Variants in APOB observed in about 807,000 individuals in gnomAD.
The protein encoded by APOB is apolipoprotein B-100.
A neutral mutation model predicts 314.1 loss-of-function variants in APOB; 153 were observed. The observed-to-expected ratio is 0.49, with a 90% CI of 0.43 to 0.56. The LOEUF (loss-of-function observed/expected upper bound fraction) is 0.56. APOB is among the 20% of genes least tolerant of loss of function. APOB has a pLI of 0.00. For missense variants in APOB, 5,430 were observed against 5,350.7 expected (o/e 1.01, Z -0.46); for synonymous variants, 2,087 against 2,036.4 (o/e 1.02, Z -0.67).
Position 21,006,844 on chromosome 2 carries a change from A to T in APOB, c.10024T>A (p.Ser3342Thr), listed in dbSNP as rs1175071342. The T allele has an allele frequency of 4.3e-6, 7 of 1,614,026 alleles. No homozygotes were observed. The East Asian group carries it at 1.6e-4, about 36-fold the overall frequency. ...AGTGTGATGACACTTGATTTAAAGGAGAAATCATAGGTAATATTGCCCATG... is the reference window on the plus strand; with the variant it reads ...AGTGTGATGACACTTGATTTAAAGGTGAAATCATAGGTAATATTGCCCATG... ...PAMGNITYDF[S>T]FKSSVITLNT... Residue 3342 changes from serine to threonine, a missense_variant, in exon 26 of 29, where the codon TCC becomes ACC. By Grantham distance (58) the Ser-to-Thr change is moderately conservative (BLOSUM62 1). Coordinates refer to ENST00000233242, the MANE Select transcript of APOB (RefSeq NM_000384.3).
In APOB at chr2:21,006,165, T is replaced by C; in HGVS notation, c.10703A>G (p.Lys3568Arg). Residue 3568 changes from lysine to arginine, a missense_variant, in exon 26 of 29, where the codon AAA becomes AGA. By Grantham distance (26) the Lys-to-Arg change is conservative (BLOSUM62 2). This residue lies in a region of APOB where 3,281 missense variants were observed against 3,171.0 expected (regional missense o/e 1.03). Coordinates refer to ENST00000233242, the MANE Select transcript of APOB (RefSeq NM_000384.3). ...RIYSLWEHST[K>R]NHLQLEGLFF... The stretch of plus-strand genomic sequence containing the variant: ...GAGGCCCTCTAGCTGTAAGTGGTTT[T>C]TCGTACTGTGCTCCCAGAGGGAATA... The C allele has an allele frequency of 6.2e-7, 1 of 1,614,054 alleles. No individual in the cohort carries two copies. Among genetic ancestry groups the C allele is most frequent in the Non-Finnish European group, 8.5e-7 (1 of 1,179,954 alleles).
chr2:21,013,503 C>G lies in APOB; in HGVS notation c.3873G>C (p.Lys1291Asn). ...AAGGAATCTCAATTTTCAAACTGTT[C>G]TTGTTCAAGGTATATTTGACCCGGC... ...SDGRVKYTLN[K>N]NSLKIEIPLP... Residue 1291 changes from lysine to asparagine, a missense_variant, in exon 25 of 29, where the codon AAG (lysine) becomes AAC (asparagine). This residue lies in a region of APOB where 2,085 missense variants were observed against 2,079.7 expected (regional missense o/e 1.00). Coordinates refer to ENST00000233242, the MANE Select transcript of APOB (RefSeq NM_000384.3). 1 of 1,614,180 alleles carries G rather than the reference C, an allele frequency of 6.2e-7. No individual in the cohort carries two copies.
In APOB at chr2:21,041,086, G is replaced by A. The variant is rs1664122032; in HGVS notation, c.238-3C>T. ...AGCTGGGGAACCTCCAGCTCAACCT[G>A]AGAATTCAGGGTAGCAGAGCATTGA... On this transcript the variant is annotated splice_polypyrimidine_tract_variant and splice_region_variant and intron_variant, in intron 3 of 28. Coordinates refer to ENST00000233242, the MANE Select transcript of APOB (RefSeq NM_000384.3). 6.2e-7 allele frequency: 1 copy of A among 1,611,050 alleles called. No homozygotes were observed. The highest frequency in any genetic ancestry group is 8.5e-7 in the Non-Finnish European group (1 of 1,179,354).
rs1205138063 is a variant in APOB, at chr2:21,028,332, G to A, written c.1824C>T (p.Ile608=). 12 of 1,612,572 alleles carry A rather than the reference G, an allele frequency of 7.4e-6. No homozygotes were observed. The highest frequency in any genetic ancestry group is 1.0e-5 in the Non-Finnish European group (12 of 1,178,554). Reference sequence around the variant, plus strand: ...GGTGAATAGCTCTTACTTACTCTTGGATATCCAATTCTTCTGAGTTCAAGA... The same window carrying A: ...GGTGAATAGCTCTTACTTACTCTTGAATATCCAATTCTTCTGAGTTCAAGA... The part of the protein sequence containing the change: ...ANILNSEELD[I]QDLKKLVKEA... Residue 608 remains isoleucine (I), a synonymous_variant, in exon 13 of 29, where the codon ATC becomes ATT. Transcript: ENST00000233242.
intron 10 of APOB, among the ~76,000 whole-genome samples, chr2:21,031,270 A>C (rs1218464967): frequency 6.6e-6 from 1 of 152,270 alleles, no homozygotes; most frequent in African/African-American, 2.4e-5. Flanking sequence ...CTATTCGGCC[A>C]TAAAAAGAAT....
At chr2:21,016,370 G>A (rs2103363772) in intron 21 of APOB, 69 bp downstream of exon 21, 2 of 832,436 alleles carry the variant, frequency 2.4e-6, no homozygotes, top group Non-Finnish European at 4.2e-6. Context: ...GGTATGAAGT[G>A]GAAGAGGAAT....
chr2:21,026,583 T>A (rs1292207690), intron 15 of APOB, among the ~76,000 whole-genome samples: 1 of 152,132 alleles, frequency 6.6e-6, no homozygotes, highest in Non-Finnish European at 1.5e-5. Flanking sequence ...GAGTACTTAT[T>A]GTGAGTCTGG....
chr2:21,016,581 C>T lies in APOB; in HGVS notation c.3190G>A (p.Val1064Ile). ...TCAACATCAAAATCCGGAATTTGGA[C>T]TTCACTGGACAAGGTCATACTCTGC... ...NRQSMTLSSEVQIPDFDVDLG... is the reference protein window; with the variant it reads ...NRQSMTLSSEIQIPDFDVDLG... Residue 1064 changes from valine (V) to isoleucine (I), a missense_variant, in exon 21 of 29, where the codon GTC (valine) becomes ATC (isoleucine). This residue lies in a region of APOB where 2,085 missense variants were observed against 2,079.7 expected (regional missense o/e 1.00). Coordinates refer to ENST00000233242, the MANE Select transcript of APOB (RefSeq NM_000384.3). The T allele has an allele frequency of 1.2e-6, 2 of 1,612,440 alleles. No homozygotes were observed. The highest frequency in any genetic ancestry group is 1.7e-4 in the Middle Eastern group (1 of 6,060).
Position 21,014,549 on chromosome 2 carries a change from A to G in APOB, c.3741T>C (p.Tyr1247=), listed in dbSNP as rs1572787204. The change falls in exon 24 of 29, where the codon TAT becomes TAC. Residue 1247 remains tyrosine, a synonymous_variant. Coordinates refer to ENST00000233242, the MANE Select transcript of APOB (RefSeq NM_000384.3). ...TGAGGTGGTCTTGCAAAGTCTGGGT[A>G]TAAGGAAGACTCCCAGATGCCTTCT... is the stretch of plus-strand genomic sequence containing the variant. ...WLQKASGSLP[Y]TQTLQDHLNS... The G allele has an allele frequency of 1.9e-6, 3 of 1,614,058 alleles. No individual in the cohort carries two copies. The highest frequency in any genetic ancestry group is 2.2e-5 in the East Asian group (1 of 44,868).
Position 21,007,105 on chromosome 2 carries a change from C to G in APOB, c.9763G>C (p.Val3255Leu). The G allele has an allele frequency of 6.2e-7, 1 of 1,614,048 alleles. No homozygotes were observed. The highest frequency in any genetic ancestry group is 1.1e-5 in the South Asian group (1 of 91,080). Residue 3255 changes from valine (V) to leucine (L), a missense_variant, in exon 26 of 29, where the codon GTT becomes CTT. Val to Leu is a conservative substitution (Grantham distance 32). Transcript: ENST00000233242. ...AATGGAGACACTTCAACATTGACAA[C>G]TGGAACAGTGTATCCAGGAATTTGA... ...TFQIPGYTVPVVNVEVSPFTI... is the reference protein window; with the variant it reads ...TFQIPGYTVPLVNVEVSPFTI...
Position 21,011,516 on chromosome 2 carries a change from A to G in APOB, c.5352T>C (p.Val1784=). 4 of 1,614,194 alleles carry G rather than the reference A, an allele frequency of 2.5e-6. No homozygotes were observed. The highest frequency in any genetic ancestry group is 3.4e-6 in the Non-Finnish European group (4 of 1,180,012). ...YSSDKFYKQT[V]NLQLQPYSLV... is the part of the protein sequence containing the mutation. Reference sequence around the variant, plus strand: ...GAGAATAGGGCTGTAGCTGTAAATTAACAGTTTGCTTATAAAACTTGTCAG... The same window carrying G: ...GAGAATAGGGCTGTAGCTGTAAATTGACAGTTTGCTTATAAAACTTGTCAG... Residue 1784 remains valine, a synonymous_variant, in exon 26 of 29, where the codon GTT becomes GTC. Coordinates refer to ENST00000233242, the MANE Select transcript of APOB (RefSeq NM_000384.3).
Position 21,016,331 on chromosome 2 carries a change from G to A in APOB, c.3332+108C>T. 7 of 691,934 alleles carry A rather than the reference G, an allele frequency of 1.0e-5. No homozygotes were observed. The South Asian group carries it at 1.1e-4, about 11-fold the overall frequency. The allele number at this position is 691,934 out of a possible 1,614,324, so 42.9% of individuals were successfully genotyped here. On this transcript the variant is annotated intron_variant, in intron 21 of 28. Transcript: ENST00000233242. ...GAGGGCTCTCTCTGCCACTCTGATT[G>A]TAGACTAGGGGAGAACATGGCTTGG...
chr2:21,011,680 T>G lies in APOB; in HGVS notation c.5188A>C (p.Lys1730Gln), dbSNP rs1251305507. 1.9e-6 allele frequency: 3 copies of G among 1,614,062 alleles called. No individual in the cohort carries two copies. In the African/African-American group the frequency reaches 4.0e-5, roughly 22 times the overall value. The change falls in exon 26 of 29, where the codon AAG becomes CAG. Residue 1730 changes from lysine to glutamine, a missense_variant. Physicochemically the swap from Lys to Gln is moderately conservative, Grantham distance 53 (BLOSUM62 1). Transcript: ENST00000233242. ...GVDSKNIFNF[K>Q]VSQEGLKLSN... is the part of the protein sequence containing the mutation. ...AGCTTAAGTCCTTCTTGACTGACCT[T>G]GAAGTTGAAAATGTTTTTGCTGTCG...
In APOB at chr2:21,022,904, C is replaced by T. The variant is rs375143090; in HGVS notation, c.2743G>A (p.Val915Ile). 2 of 1,614,162 alleles carry T rather than the reference C, an allele frequency of 1.2e-6. No individual in the cohort carries two copies. Among genetic ancestry groups the T allele is most frequent in the African/African-American group, 2.7e-5 (2 of 75,036 alleles). ...TTCAGCTTCCCAGCTTTTAGGGCAA[C>T]ATGAGCCTCCAGACCCGACTCGTGG... ...FFHESGLEAH[V>I]ALKAGKLKFI... is the part of the protein sequence containing the mutation. The change falls in exon 18 of 29, where the codon GTT (valine) becomes ATT (isoleucine). Residue 915 changes from valine (V) to isoleucine (I), a missense_variant. This residue lies in a region of APOB where 2,085 missense variants were observed against 2,079.7 expected (regional missense o/e 1.00). Transcript: ENST00000233242.
chr2:21,005,580 A>G lies in APOB; in HGVS notation c.11288T>C (p.Leu3763Pro), dbSNP rs1663106152. 1 of 1,613,972 alleles carries G rather than the reference A, an allele frequency of 6.2e-7. No individual in the cohort carries two copies. The highest frequency in any genetic ancestry group is 8.5e-7 in the Non-Finnish European group (1 of 1,179,990). Residue 3763 changes from leucine (L) to proline (P), a missense_variant, in exon 26 of 29, where the codon CTT (leucine) becomes CCT (proline). Leu to Pro is a moderately conservative substitution (Grantham distance 98, BLOSUM62 -3). Coordinates refer to ENST00000233242, the MANE Select transcript of APOB (RefSeq NM_000384.3). ...FTDLQVPSCK[L>P]DFREIQIYKK... ...ATAGATTTGTATTTCTCTGAAGTCA[A>G]GTTTGCACGATGGAACCTGAAGATC...
intron 10 of APOB, among the ~76,000 whole-genome samples, chr2:21,031,061 A>G (rs1198158889): frequency 6.6e-6 from 1 of 152,242 alleles, no homozygotes; most frequent in East Asian, 1.9e-4. Flanking sequence ...TCAAAGAACT[A>G]AAAATAGAAC....
rs138157751 is a variant in APOB at position 21,003,170 on chromosome 2, A to G, written c.12252T>C (p.Tyr4084=). 402 of 1,613,992 alleles carry G rather than the reference A, an allele frequency of 2.5e-4. No individual in the cohort carries two copies. In the East Asian group the frequency reaches 6.6e-3, roughly 27 times the overall value. ...TGTGTTCCCAGTGGTACTTGTTGAC[A>G]TAATCATAAAGGACCCCTGTGGCCT... ...VPKATGVLYD[Y]VNKYHWEHTG... is the part of the protein sequence containing the mutation. Residue 4084 remains tyrosine (Y), a synonymous_variant, in exon 29 of 29, where the codon TAT becomes TAC. Coordinates refer to ENST00000233242, the MANE Select transcript of APOB (RefSeq NM_000384.3).
chr2:21,012,299 G>T lies in APOB; in HGVS notation c.4569C>A (p.Asn1523Lys). ...RLNGESNLRF[N>K]SSYLQGTNQI... ...GGTTGGTGCCTTGGAGGTAGGAGGA[G>T]TTAAACCTCAGGTTGGACTCTCCAT... The change falls in exon 26 of 29, where the codon AAC (asparagine) becomes AAA (lysine). Residue 1523 changes from asparagine to lysine, a missense_variant. By Grantham distance (94) the Asn-to-Lys change is moderately conservative. This residue lies in a region of APOB where 2,085 missense variants were observed against 2,079.7 expected (regional missense o/e 1.00). Coordinates refer to ENST00000233242, the MANE Select transcript of APOB (RefSeq NM_000384.3). 1 of 1,614,144 alleles carries T rather than the reference G, an allele frequency of 6.2e-7. No homozygotes were observed. The highest frequency in any genetic ancestry group is 8.5e-7 in the Non-Finnish European group (1 of 1,180,030).
At position 21,019,816 on chromosome 2, in the gene APOB, A is replaced by T. The variant is rs1663558656; in HGVS notation, c.2906T>A (p.Val969Asp). ...GGTGCAGTAATTCAGGCCAGGAAAG[A>T]CTTGCTTGCAAACTGACCAGGACTG... ...NRQSWSVCKQ[V>D]FPGLNYCTSG... is the part of the protein sequence containing the mutation. Residue 969 changes from valine (V) to aspartate (D), a missense_variant, in exon 19 of 29, where the codon GTC becomes GAC. This residue lies in a region of APOB where 2,085 missense variants were observed against 2,079.7 expected (regional missense o/e 1.00). Transcript: ENST00000233242. The T allele has an allele frequency of 6.2e-7, 1 of 1,614,042 alleles. No homozygotes were observed. The highest frequency in any genetic ancestry group is 1.7e-5 in the Admixed American group (1 of 60,004).
Sources: gnomAD v4.1 joint callset for allele counts (sites outside exome capture counted in the v4.1 genomes callset) on GRCh38, gnomAD v4.1.1 for gene constraint, gnomAD v4.1.1 regional missense constraint, MANE v1.5 for transcripts, NCBI Gene and HGNC (gene_info 2026-07-23, HGNC 2026-07-21) for gene names.